The following DHRS7C variants were observed in gnomAD, a reference collection of about 807,000 sequenced individuals.
DHRS7C encodes dehydrogenase/reductase SDR family member 7C.
DHRS7C carries 28 observed loss-of-function variants against 29.6 expected under a neutral mutation model. That is an observed-to-expected ratio of 0.95 (90% confidence interval 0.70 to 1.30). DHRS7C has a LOEUF of 1.30. Among genes scored for constraint, DHRS7C ranks in the 50% most tolerant of loss-of-function variants. The pLI is 0.00. For missense variants in DHRS7C, 403 were observed against 393.3 expected (o/e 1.02, Z -0.21); for synonymous variants, 158 against 160.2 (o/e 0.99, Z 0.10).
Position 9,780,946 on chromosome 17 carries a change from C to T in DHRS7C, c.267+536G>A, listed in dbSNP as rs192648246. ...TCTCCTCAAATATTAGACTTACCTC[C>T]GAATTACTTTGAGCCAGCAAATGCA... On this transcript the variant is annotated intron_variant, in intron 2 of 5. Transcript: ENST00000571134. 8.5e-5 allele frequency among the ~76,000 whole-genome samples: 13 copies of T among 152,214 alleles called. No individual in the cohort carries two copies. The East Asian group carries it at 1.5e-3, about 18-fold the overall frequency.
chr17:9,779,782 TCTGGTGG>T (rs1259086935), intron 3 of DHRS7C, 36 bp downstream of exon 3: 1 of 1,572,770 alleles, frequency 6.4e-7, no homozygotes, highest in South Asian at 1.2e-5. Context: ...CTCTGTAGAA[TCTGGTGG>T]CCCAGATACC....
At position 9,780,036 on chromosome 17, in the gene DHRS7C, C is replaced by T; in HGVS notation, c.268-1G>A. On this transcript the variant is annotated splice_acceptor_variant, in intron 2 of 5. Coordinates refer to ENST00000571134, the MANE Select transcript of DHRS7C (RefSeq NM_001105571.3). LOFTEE classifies it high-confidence loss of function. Reference sequence around the variant, plus strand: ...ACAGGACCAGCTTTGGGGTGAATGTCTGCTGAACCAATGAGAGAGTCAGGG... The same window carrying T: ...ACAGGACCAGCTTTGGGGTGAATGTTTGCTGAACCAATGAGAGAGTCAGGG... 1 of 1,613,042 alleles carries T rather than the reference C, an allele frequency of 6.2e-7. No homozygotes were observed. The highest frequency in any genetic ancestry group is 1.7e-5 in the Admixed American group (1 of 59,928).
At chr17:9,780,151 GAA>G (rs11289724) in intron 2 of DHRS7C, 116 bp from the exon 3 acceptor site, 3,297 of 619,046 alleles carry the variant, frequency 5.3e-3, no homozygotes, top group Middle Eastern at 6.8e-3. Context: ...TGAAATGACT[GAA>G]AAAAAAAAAA....
At chr17:9,786,579 T>A (rs1248971930) in intron 1 of DHRS7C, among the ~76,000 whole-genome samples, 2 of 150,458 alleles carry the variant, frequency 1.3e-5, no homozygotes, top group African/African-American at 4.8e-5. Flanking sequence ...TACGTGTGTT[T>A]TGTGTTCTTT....
Position 9,772,797 on chromosome 17 carries a change from G to C in DHRS7C, c.697C>G (p.Gln233Glu), listed in dbSNP as rs2066338311. ...FIRSYHVYPE[Q>E]GNWEASIWKF... is the part of the protein sequence containing the mutation. ...CAAATGGAAGCTTCCCAGTTTCCTT[G>C]CTCTGGATACACGTGGTACGACCGG... The change falls in exon 5 of 6, where the codon CAA becomes GAA. Residue 233 changes from glutamine to glutamate, a missense_variant. Physicochemically the swap from Gln to Glu is conservative, Grantham distance 29. Transcript: ENST00000571134. 1 of 1,613,926 alleles carries C rather than the reference G, an allele frequency of 6.2e-7. No individual in the cohort carries two copies. Among genetic ancestry groups the C allele is most frequent in the Non-Finnish European group, 8.5e-7 (1 of 1,179,858 alleles).
At position 9,774,788 on chromosome 17, in the gene DHRS7C, C is replaced by T. The variant is rs529010272; in HGVS notation, c.572-1866G>A. On this transcript the variant is annotated intron_variant, in intron 4 of 5. Coordinates refer to ENST00000571134, the MANE Select transcript of DHRS7C (RefSeq NM_001105571.3). This position sits in a 1 kb window ranked among gnomAD's most constrained non-coding sequence, Gnocchi z 5.0. ...GGGTGGTCAAAAGAAACCTCTGAGTCGGCAGACCCCAGGTCACTCCCACGC... is the reference window on the plus strand; with the variant it reads ...GGGTGGTCAAAAGAAACCTCTGAGTTGGCAGACCCCAGGTCACTCCCACGC... 3.3e-5 allele frequency among the ~76,000 whole-genome samples: 5 copies of T among 152,238 alleles called. No individual in the cohort carries two copies. The highest frequency in any genetic ancestry group is 1.9e-4 in the East Asian group (1 of 5,176).
At chr17:9,783,966 T>A (rs78962833) in intron 1 of DHRS7C, among the ~76,000 whole-genome samples, 18,058 of 149,252 alleles carry the variant, frequency 0.12, 1,443 homozygotes, top group Non-Finnish European at 0.19. Context: ...TTTTTTTTTT[T>A]AAAATGGTAT....
At chr17:9,782,389 G>A (rs1051429926) in intron 1 of DHRS7C, among the ~76,000 whole-genome samples, 3 of 152,166 alleles carry the variant, frequency 2.0e-5, no homozygotes, top group African/African-American at 4.8e-5. Context: ...ACAGCCTATC[G>A]GGGAGTGAGG....
Position 9,791,151 on chromosome 17 carries a change from G to A in DHRS7C, c.134C>T (p.Ala45Val). ...CTTACCCTTGCCCAGTCCTGAGATG[G>A]CATCGGTGATCACCACCACTTTGTT... ...VQNKVVVITD[A>V]ISGLGKECAR... Residue 45 changes from alanine to valine, a missense_variant, in exon 1 of 6, where the codon GCC (alanine) becomes GTC (valine). Physicochemically the swap from Ala to Val is moderately conservative, Grantham distance 64 (BLOSUM62 0). Transcript: ENST00000571134. 2.5e-6 allele frequency: 4 copies of A among 1,613,220 alleles called. No homozygotes were observed. The highest frequency in any genetic ancestry group is 3.4e-6 in the Non-Finnish European group (4 of 1,179,606).
intron 1 of DHRS7C, among the ~76,000 whole-genome samples, chr17:9,788,617 CTGTT>C (rs1268913802): frequency 6.6e-6 from 1 of 152,332 alleles, no homozygotes; most frequent in South Asian, 2.1e-4. Flanking sequence ...CTTTGTCTGT[CTGTT>C]TGATTTCCCT....
intron 1 of DHRS7C, among the ~76,000 whole-genome samples, chr17:9,788,560 G>A (rs550863997): frequency 1.2e-4 from 19 of 152,324 alleles, no homozygotes; most frequent in African/African-American, 4.3e-4. Context: ...AGGATTCCCC[G>A]CTTGGCCAAA....
chr17:9,790,622 G>A (rs972958188), intron 1 of DHRS7C, among the ~76,000 whole-genome samples: 1 of 152,214 alleles, frequency 6.6e-6, no homozygotes, highest in Non-Finnish European at 1.5e-5. Context: ...GTAGCTCCAG[G>A]TACTGTTCTA....
At position 9,775,404 on chromosome 17, in the gene DHRS7C, G is replaced by A. The variant is rs1479094381; in HGVS notation, c.571+1789C>T. On this transcript the variant is annotated intron_variant, in intron 4 of 5. Transcript: ENST00000571134. This position sits in a 1 kb window ranked among gnomAD's most constrained non-coding sequence, Gnocchi z 4.2. ...CGACTGAGTTCTCCCAATAGGATGT[G>A]AGCAGCGGTGATGCCAGCCTGGGGA... Among the ~76,000 whole-genome samples, 2 of 152,226 alleles carry A rather than the reference G, an allele frequency of 1.3e-5. No individual in the cohort carries two copies. The highest frequency in any genetic ancestry group is 1.3e-4 in the Admixed American group (2 of 15,288).
intron 3 of DHRS7C, among the ~76,000 whole-genome samples, chr17:9,777,549 T>TA (rs397686298): frequency 6.0e-5 from 9 of 149,544 alleles, no homozygotes; most frequent in South Asian, 2.1e-4. Flanking sequence ...TTTTTTTTTT[T>TA]AAATGCATAT....
chr17:9,778,162 C>T (rs1037042971), intron 3 of DHRS7C, among the ~76,000 whole-genome samples: 7 of 151,990 alleles, frequency 4.6e-5, no homozygotes, highest in African/African-American at 7.2e-5. Context: ...GAGGCCGAGG[C>T]GGGTGGATAA....
chr17:9,781,192 C>T (rs777365566), intron 2 of DHRS7C, among the ~76,000 whole-genome samples: 36 of 152,104 alleles, frequency 2.4e-4, no homozygotes, highest in Admixed American at 5.2e-4. Context: ...AATCACAGTC[C>T]ATACCTGTAA....
At position 9,774,476 on chromosome 17, in the gene DHRS7C, G is replaced by A. The variant is rs2066350342; in HGVS notation, c.572-1554C>T. On this transcript the variant is annotated intron_variant, in intron 4 of 5. Coordinates refer to ENST00000571134, the MANE Select transcript of DHRS7C (RefSeq NM_001105571.3). The surrounding 1 kb of genome is among the most constrained non-coding windows in gnomAD (Gnocchi z 5.0). ...ATTTTTGTATTTTTAGTAGAGATGG[G>A]TTTCACCATGTTGGCCAGGCTGGTC... Among the ~76,000 whole-genome samples, 1 of 151,908 alleles carries A rather than the reference G, an allele frequency of 6.6e-6. No homozygotes were observed. Among genetic ancestry groups the A allele is most frequent in the South Asian group, 2.1e-4 (1 of 4,802 alleles).
chr17:9,786,482 G>T (rs1458435563), intron 1 of DHRS7C, among the ~76,000 whole-genome samples: 3 of 151,472 alleles, frequency 2.0e-5, no homozygotes, highest in Non-Finnish European at 2.9e-5. Flanking sequence ...ATTCATGCTC[G>T]CTCATGACTG....
intron 1 of DHRS7C, among the ~76,000 whole-genome samples, chr17:9,789,445 T>C (rs1355252116): frequency 6.6e-6 from 1 of 152,210 alleles, no homozygotes; most frequent in Non-Finnish European, 1.5e-5. Flanking sequence ...TCTGAGGATG[T>C]CAACCAAGCA....
Sources: gnomAD v4.1 joint callset for allele counts (sites outside exome capture counted in the v4.1 genomes callset) on GRCh38, gnomAD v4.1.1 for gene constraint, Gnocchi (gnomAD v3.1) non-coding constraint, MANE v1.5 for transcripts, NCBI Gene and HGNC (gene_info 2026-07-23, HGNC 2026-07-21) for gene names.